The following LMX1B variants were observed in gnomAD, a reference collection of about 807,000 sequenced individuals.
LMX1B encodes the protein LIM homeobox transcription factor 1-beta.
In LMX1B, 12 loss-of-function variants were observed where a neutral mutation model predicts 51.4. That is an observed-to-expected ratio of 0.23 (90% CI 0.15 to 0.38). The LOEUF (loss-of-function observed/expected upper bound fraction) is 0.38. Among genes scored for constraint, LMX1B ranks in the 10% least tolerant of loss-of-function variants. LMX1B has a pLI of 1.00. For missense variants in LMX1B, 445 were observed against 571.1 expected, an observed-to-expected ratio of 0.78 and a Z score of 2.25; for synonymous variants, 237 against 235.4, an observed-to-expected ratio of 1.01 and a Z score of -0.06.
At position 126,615,030 on chromosome 9, in the gene LMX1B, G is replaced by A. The variant is rs1349111442; in HGVS notation, c.140-353G>A. On this transcript the variant is annotated intron_variant, in intron 1 of 7. Coordinates refer to ENST00000373474, the MANE Select transcript of LMX1B (RefSeq NM_001174147.2). This position sits in a 1 kb window ranked among gnomAD's most constrained non-coding sequence, Gnocchi z 6.0. ...ACGAACGCCACCGTGGGGCGTGTCA[G>A]CCAGCGAGCGCCCCAGCCTCACCTC... 6.6e-6 allele frequency among the ~76,000 whole-genome samples: 1 copy of A among 152,178 alleles called. No individual in the cohort carries two copies. Among genetic ancestry groups the A allele is most frequent in the Non-Finnish European group, 1.5e-5 (1 of 68,008 alleles).
chr9:126,639,697 G>T (rs537682468), intron 2 of LMX1B, among the ~76,000 whole-genome samples: 1 of 152,354 alleles, frequency 6.6e-6, no homozygotes, highest in African/African-American at 2.4e-5. Flanking sequence ...AGTGACTGGG[G>T]AGGGGGGCAG....
chr9:126,633,996 T>C (rs546689100), intron 2 of LMX1B, among the ~76,000 whole-genome samples: 89 of 151,982 alleles, frequency 5.9e-4, no homozygotes, highest in African/African-American at 2.1e-3. Flanking sequence ...CCTCCCGCTT[T>C]TGATGCCTCG....
chr9:126,693,475 C>T, intron 4 of LMX1B, 49 bp from the exon 5 acceptor site: 1 of 1,597,240 alleles, frequency 6.3e-7, no homozygotes. Flanking sequence ...CACCATCTCC[C>T]CGTTGCTGCC....
At chr9:126,633,359 C>T (rs952869518) in intron 2 of LMX1B, among the ~76,000 whole-genome samples, 1 of 152,236 alleles carries the variant, frequency 6.6e-6, no homozygotes, top group Non-Finnish European at 1.5e-5. Flanking sequence ...GGGCCTGGTA[C>T]TTGGTAGGTG....
In LMX1B at chr9:126,626,040, C is replaced by T. The variant is rs1202510267; in HGVS notation, c.326+10471C>T. ...CCCCCGGGGGCTCCGTTTTGCTCCCCTCATGGACATGGGGGTGGGGAGCTC... is the reference window on the plus strand; with the variant it reads ...CCCCCGGGGGCTCCGTTTTGCTCCCTTCATGGACATGGGGGTGGGGAGCTC... On this transcript the variant is annotated intron_variant, in intron 2 of 7. Transcript: ENST00000373474. The surrounding 1 kb of genome is among the most constrained non-coding windows in gnomAD (Gnocchi z 4.3). Among the ~76,000 whole-genome samples, 1 of 152,260 alleles carries T rather than the reference C, an allele frequency of 6.6e-6. No homozygotes were observed. Among genetic ancestry groups the T allele is most frequent in the East Asian group, 1.9e-4 (1 of 5,198 alleles).
chr9:126,668,145 T>C (rs1836381111), intron 2 of LMX1B, among the ~76,000 whole-genome samples: 4 of 152,148 alleles, frequency 2.6e-5, no homozygotes, highest in Admixed American at 1.3e-4. Context: ...GGGGAAGTAC[T>C]TTGGTGTTTG....
At chr9:126,679,740 A>G (rs1400493018) in intron 2 of LMX1B, among the ~76,000 whole-genome samples, 2 of 152,070 alleles carry the variant, frequency 1.3e-5, no homozygotes. Context: ...TAACCCTGAA[A>G]ATGGCCTCCA....
At chr9:126,692,578 G>A (rs976363797) in intron 3 of LMX1B, among the ~76,000 whole-genome samples, 4 of 152,244 alleles carry the variant, frequency 2.6e-5, no homozygotes, top group Non-Finnish European at 4.4e-5. Flanking sequence ...TGAGTTGCAC[G>A]CGTGAGGGCC....
At chr9:126,632,018 A>G (rs1013010033) in intron 2 of LMX1B, among the ~76,000 whole-genome samples, 2 of 152,178 alleles carry the variant, frequency 1.3e-5, no homozygotes, top group African/African-American at 4.8e-5. Context: ...GAAAGAAAGT[A>G]TAAGGGTCTA....
intron 2 of LMX1B, among the ~76,000 whole-genome samples, chr9:126,638,736 G>T (rs1391267744): frequency 6.6e-6 from 1 of 152,202 alleles, no homozygotes; most frequent in African/African-American, 2.4e-5. Flanking sequence ...AGCGCGCTCC[G>T]ATCTCTCCCG....
intron 2 of LMX1B, among the ~76,000 whole-genome samples, chr9:126,616,049 G>T (rs1368318482): frequency 6.6e-6 from 1 of 152,226 alleles, no homozygotes; most frequent in Admixed American, 6.5e-5. Flanking sequence ...GGCAAGGGAG[G>T]CCCCCTTTCT....
intron 2 of LMX1B, among the ~76,000 whole-genome samples, chr9:126,684,942 C>G (rs191948184): frequency 6.6e-6 from 1 of 152,166 alleles, no homozygotes; most frequent in African/African-American, 2.4e-5. Context: ...TTTCAGACCC[C>G]TAGGAGCAGA....
At chr9:126,686,837 G>T (rs954203874) in intron 2 of LMX1B, among the ~76,000 whole-genome samples, 1 of 152,234 alleles carries the variant, frequency 6.6e-6, no homozygotes, top group African/African-American at 2.4e-5. Flanking sequence ...TCCTTTGAGG[G>T]TTCTGTGAGG....
intron 2 of LMX1B, among the ~76,000 whole-genome samples, chr9:126,683,232 C>G (rs1397835557): frequency 6.6e-6 from 1 of 151,072 alleles, no homozygotes; most frequent in South Asian, 2.1e-4. Context: ...AGAGCGCGCC[C>G]GTCTCGCCGC....
At chr9:126,637,089 G>A (rs1309143851) in intron 2 of LMX1B, among the ~76,000 whole-genome samples, 1 of 152,240 alleles carries the variant, frequency 6.6e-6, no homozygotes, top group Non-Finnish European at 1.5e-5. Context: ...TTTTGTGCCA[G>A]TGCTATCAGT....
intron 2 of LMX1B, among the ~76,000 whole-genome samples, chr9:126,690,595 A>G (rs2030083582): frequency 6.6e-6 from 1 of 152,182 alleles, no homozygotes; most frequent in South Asian, 2.1e-4. Flanking sequence ...CTGAGCTGCC[A>G]CGCCCGGGAC....
chr9:126,643,155 G>A (rs1387799989), intron 2 of LMX1B, among the ~76,000 whole-genome samples: 1 of 152,168 alleles, frequency 6.6e-6, no homozygotes, highest in Non-Finnish European at 1.5e-5. Flanking sequence ...CACAGCTGGG[G>A]GCTAGGGGTG....
chr9:126,624,346 C>T (rs4836551), intron 2 of LMX1B, among the ~76,000 whole-genome samples: 58,762 of 152,168 alleles, frequency 0.39, 12,270 homozygotes, highest in East Asian at 0.56. Flanking sequence ...GGGAGTAAGA[C>T]TGGCGGGGAG....
chr9:126,682,511 G>A (rs1836694529), intron 2 of LMX1B, among the ~76,000 whole-genome samples: 2 of 152,348 alleles, frequency 1.3e-5, no homozygotes, highest in Admixed American at 6.5e-5. Context: ...AGAAGGAACT[G>A]GGGGTGGGGG....
Sources: allele counts gnomAD v4.1 joint callset (sites outside exome capture counted in the v4.1 genomes callset), GRCh38; gene constraint gnomAD v4.1.1; non-coding constraint Gnocchi (gnomAD v3.1); transcripts MANE v1.5; gene names NCBI Gene and HGNC (gene_info 2026-07-23, HGNC 2026-07-21).